ABCC4: variants seen among roughly 807,000 people sequenced by gnomAD.
ABCC4 encodes the protein ATP binding cassette subfamily C member 4 (PEL blood group), also known as ATP-binding cassette sub-family C member 4.
Under a neutral mutation model 168.5 loss-of-function variants are expected in ABCC4, and 102 were observed. The ratio of observed to expected loss-of-function variants is 0.61; its 90% CI spans 0.52 to 0.71. The LOEUF is 0.71. ABCC4 is among the 30% of genes least tolerant of loss of function. The probability of loss-of-function intolerance (pLI) is 0.00; values close to 1 mark genes in which losing one functional copy is unlikely to be tolerated. For synonymous variants in ABCC4, 617 were observed against 590.7 expected (o/e 1.04, Z -0.65); for missense variants, 1,402 against 1,605.8 (o/e 0.87, Z 2.17).
chr13:95,284,206 A>G (rs980765335), intron 1 of ABCC4, among the ~76,000 whole-genome samples: 5 of 151,778 alleles, frequency 3.3e-5, no homozygotes, highest in African/African-American at 1.2e-4. Context: ...GGTTTTTTTG[A>G]GACAGGGTCT....
intron 8 of ABCC4, among the ~76,000 whole-genome samples, chr13:95,204,382 T>C (rs181198819): frequency 6.6e-6 from 1 of 152,286 alleles, no homozygotes; most frequent in East Asian, 1.9e-4. Context: ...TGAACTGTAA[T>C]CGCCATAATC....
intron 1 of ABCC4, among the ~76,000 whole-genome samples, chr13:95,284,298 C>T (rs1469931561): frequency 4.6e-5 from 7 of 152,100 alleles, no homozygotes; most frequent in African/African-American, 1.7e-4. Flanking sequence ...GTGATCCTCC[C>T]ACCTCAGCCT....
At chr13:95,294,386 A>C (rs12871924) in intron 1 of ABCC4, among the ~76,000 whole-genome samples, 1 of 151,720 alleles carries the variant, frequency 6.6e-6, no homozygotes, top group Admixed American at 6.6e-5. Flanking sequence ...AGAAACCAAG[A>C]CCATGCCTAT....
At chr13:95,025,250 CACA>C (rs2031395497) in intron 30 of ABCC4, among the ~76,000 whole-genome samples, 1 of 31,430 alleles carries the variant, frequency 3.2e-5, no homozygotes, top group African/African-American at 2.1e-4. Context: ...CACACACCCA[CACA>C]CACACACACC....
intron 1 of ABCC4, among the ~76,000 whole-genome samples, chr13:95,256,416 A>C (rs551619336): frequency 1.3e-5 from 2 of 152,354 alleles, no homozygotes; most frequent in African/African-American, 4.8e-5. Context: ...ATTGTTGCCA[A>C]GATCCTTCTG....
At chr13:95,239,668 T>C (rs2039877275) in intron 3 of ABCC4, among the ~76,000 whole-genome samples, 1 of 152,156 alleles carries the variant, frequency 6.6e-6, no homozygotes, top group African/African-American at 2.4e-5. Context: ...CTCACAATCA[T>C]ACTCATCAAA....
At chr13:95,134,072 C>T (rs1452550851) in intron 19 of ABCC4, among the ~76,000 whole-genome samples, 1 of 152,026 alleles carries the variant, frequency 6.6e-6, no homozygotes, top group Non-Finnish European at 1.5e-5. Flanking sequence ...AAGAGGAGCC[C>T]ATCAGAAGCT....
chr13:95,271,289 G>A (rs1013266321), intron 1 of ABCC4, among the ~76,000 whole-genome samples: 3 of 152,102 alleles, frequency 2.0e-5, no homozygotes, highest in Non-Finnish European at 4.4e-5. Flanking sequence ...AATGTGATAG[G>A]GGCTGGCTGG....
chr13:95,263,078 C>T (rs1347040389), intron 1 of ABCC4, among the ~76,000 whole-genome samples: 1 of 152,140 alleles, frequency 6.6e-6, no homozygotes, highest in African/African-American at 2.4e-5. Context: ...TGCTCAAGTG[C>T]AGTCTAGTGC....
At position 95,173,693 on chromosome 13, in the gene ABCC4, G is replaced by C. The variant is rs139840762; in HGVS notation, c.1728-3065C>G. Among the ~76,000 whole-genome samples, 11 of 152,308 alleles carry C rather than the reference G, an allele frequency of 7.2e-5. No individual in the cohort carries two copies. The East Asian group carries it at 1.7e-3, about 24-fold the overall frequency. On this transcript the variant is annotated intron_variant, in intron 13 of 30. Coordinates refer to ENST00000645237, the MANE Select transcript of ABCC4 (RefSeq NM_005845.5). ...AGCTTAAAAGTAGGGGAGTCCTAGAGGACCTGAAAGAGGGAAGGTGAACTA... is the reference window on the plus strand; with the variant it reads ...AGCTTAAAAGTAGGGGAGTCCTAGACGACCTGAAAGAGGGAAGGTGAACTA...
At chr13:95,225,682 A>C (rs1437764599) in intron 4 of ABCC4, among the ~76,000 whole-genome samples, 1 of 152,150 alleles carries the variant, frequency 6.6e-6, no homozygotes, top group Non-Finnish European at 1.5e-5. Flanking sequence ...AAAATAAATA[A>C]AATAAATAAA....
intron 20 of ABCC4, among the ~76,000 whole-genome samples, chr13:95,086,257 T>A (rs996744820): frequency 6.6e-6 from 1 of 152,106 alleles, no homozygotes; most frequent in Admixed American, 6.5e-5. Flanking sequence ...GCAACACATA[T>A]TGATTTAAGA....
chr13:95,113,319 A>G (rs2035266419), intron 20 of ABCC4, among the ~76,000 whole-genome samples: 2 of 152,174 alleles, frequency 1.3e-5, no homozygotes, highest in Non-Finnish European at 2.9e-5. Context: ...AACCCCCTTC[A>G]TTCGGCTCAG....
chr13:95,251,648 G>C (rs972826160), intron 1 of ABCC4, among the ~76,000 whole-genome samples: 1 of 152,190 alleles, frequency 6.6e-6, no homozygotes, highest in African/African-American at 2.4e-5. Context: ...TGGAATCACG[G>C]GATCCAGGAG....
intron 24 of ABCC4, 118 bp downstream of exon 24, chr13:95,073,082 TAAAA>T (rs148288608): frequency 4.2e-6 from 3 of 709,192 alleles, no homozygotes; most frequent in Non-Finnish European, 6.8e-6. Flanking sequence ...GGAAGGATCT[TAAAA>T]AAAATCTGTT....
In ABCC4 at chr13:95,125,356, G is replaced by C. The variant is rs143195957; in HGVS notation, c.2456-9355C>G. On this transcript the variant is annotated intron_variant, in intron 19 of 30. Transcript: ENST00000645237. ...GCCGCTGACAGCCCAGGCCTCTTCTGATAGGCTACTGCCTGCTGTACTGGA... is the reference window on the plus strand; with the variant it reads ...GCCGCTGACAGCCCAGGCCTCTTCTCATAGGCTACTGCCTGCTGTACTGGA... Among the ~76,000 whole-genome samples the C allele has an allele frequency of 6.7e-3, 1,026 of 152,300 alleles. 13 individuals carry two copies. The highest frequency in any genetic ancestry group is 0.02 in the Middle Eastern group (6 of 294).
At chr13:95,255,565 G>C (rs1253756684) in intron 1 of ABCC4, among the ~76,000 whole-genome samples, 1 of 152,158 alleles carries the variant, frequency 6.6e-6, no homozygotes, top group Admixed American at 6.5e-5. Flanking sequence ...CCATGACCAA[G>C]TAAATTAAAC....
intron 1 of ABCC4, among the ~76,000 whole-genome samples, chr13:95,300,031 G>C (rs2041635071): frequency 6.6e-6 from 1 of 152,128 alleles, no homozygotes; most frequent in South Asian, 2.1e-4. Context: ...TAGTAGAGAC[G>C]GGGTTTCACC....
At position 95,073,249 on chromosome 13, in the gene ABCC4, C is replaced by A; in HGVS notation, c.2973G>T (p.Gly991=). 4 of 1,613,960 alleles carry A rather than the reference C, an allele frequency of 2.5e-6. No homozygotes were observed. The South Asian group carries it at 4.4e-5, about 18-fold the overall frequency. The part of the protein sequence containing the change: ...LALSYALTLM[G]MFQWCVRQSA... ...TTTGTCGAACACACCACTGAAACAT[C>A]CCCATGAGCGTGAGGGCATAGGACA... Residue 991 remains glycine (G), a synonymous_variant, in exon 24 of 31, where the codon GGG becomes GGT. Transcript: ENST00000645237.
Sources: allele counts gnomAD v4.1 joint callset (sites outside exome capture counted in the v4.1 genomes callset), GRCh38; gene constraint gnomAD v4.1.1; transcripts MANE v1.5; gene names NCBI Gene and HGNC (gene_info 2026-07-23, HGNC 2026-07-21).